CTTNBP2: variants seen among roughly 807,000 people sequenced by gnomAD.
CTTNBP2 encodes cortactin binding protein 2.
In CTTNBP2, 108 loss-of-function variants were observed where a neutral mutation model predicts 156.9. The observed-to-expected ratio is 0.69, with a 90% CI of 0.59 to 0.81. CTTNBP2 has a LOEUF of 0.81. Among genes scored for constraint, CTTNBP2 ranks in the 30% least tolerant of loss-of-function variants. The pLI is 0.00. For missense variants in CTTNBP2, 1,924 were observed against 2,035.4 expected (o/e 0.95, Z 1.05); for synonymous variants, 767 against 751.8 (o/e 1.02, Z -0.33).
intron 3 of CTTNBP2, among the ~76,000 whole-genome samples, chr7:117,798,386 G>A (rs1291370147): frequency 6.6e-6 from 1 of 152,098 alleles, no homozygotes; most frequent in African/African-American, 2.4e-5. Context: ...CTTATAGACT[G>A]TGTTCTCTGA....
chr7:117,846,001 C>A (rs1802560155), intron 2 of CTTNBP2, among the ~76,000 whole-genome samples: 1 of 151,842 alleles, frequency 6.6e-6, no homozygotes, highest in South Asian at 2.1e-4. Context: ...CAGGCGCCTG[C>A]CACCACGCCC....
intron 2 of CTTNBP2, among the ~76,000 whole-genome samples, chr7:117,855,544 C>T (rs1158304268): frequency 6.6e-6 from 1 of 152,144 alleles, no homozygotes; most frequent in Non-Finnish European, 1.5e-5. Flanking sequence ...CAAAGAGTTG[C>T]TACTGGCATC....
rs1265516681 is a variant in CTTNBP2, at chr7:117,740,758, T to C, written c.3535+5073A>G. Among the ~76,000 whole-genome samples the C allele has an allele frequency of 2.0e-5, 3 of 152,228 alleles. No homozygotes were observed. The East Asian group carries it at 5.8e-4, about 29-fold the overall frequency. ...AAGGATCATTCCCTGCTGCATGCTTTCTGCACAGTGAAAGAACTGACACCA... is the reference window on the plus strand; with the variant it reads ...AAGGATCATTCCCTGCTGCATGCTTCCTGCACAGTGAAAGAACTGACACCA... On this transcript the variant is annotated intron_variant, in intron 14 of 22. Coordinates refer to ENST00000160373, the MANE Select transcript of CTTNBP2 (RefSeq NM_033427.3).
At position 117,711,652 on chromosome 7, in the gene CTTNBP2, T is replaced by C; in HGVS notation, c.4877A>G (p.Asn1626Ser). ...ACTGCTGCTGCTGCTTCTTTTGGTG[T>C]TCTGGGAACACTGGGTGACTTTACT... Reference protein sequence around the residue: ...PRSKVTQCSQNTKRSSSSSNT... With the variant: ...PRSKVTQCSQSTKRSSSSSNT... The change falls in exon 23 of 23, where the codon AAC becomes AGC. Residue 1626 changes from asparagine to serine, a missense_variant. By Grantham distance (46) the Asn-to-Ser change is conservative. Transcript: ENST00000160373. The C allele has an allele frequency of 6.2e-7, 1 of 1,614,092 alleles. No individual in the cohort carries two copies. The highest frequency in any genetic ancestry group is 8.5e-7 in the Non-Finnish European group (1 of 1,179,972).
At chr7:117,757,741 T>C (rs906183726) in intron 11 of CTTNBP2, 134 bp downstream of exon 11, 7 of 576,020 alleles carry the variant, frequency 1.2e-5, no homozygotes, top group African/African-American at 3.8e-5. Context: ...AAACATCTAA[T>C]TACCTAGTGG....
chr7:117,742,598 A>C (rs936397755), intron 14 of CTTNBP2, among the ~76,000 whole-genome samples: 3 of 152,132 alleles, frequency 2.0e-5, no homozygotes. Flanking sequence ...TGTAAAAGTG[A>C]GGAGTTCCAG....
intron 11 of CTTNBP2, among the ~76,000 whole-genome samples, chr7:117,756,978 T>A: frequency 6.6e-6 from 1 of 152,208 alleles, no homozygotes; most frequent in East Asian, 1.9e-4. Flanking sequence ...CTTGATGTTT[T>A]ACAGTTCATA....
chr7:117,842,103 T>TA (rs1026188970), intron 2 of CTTNBP2, among the ~76,000 whole-genome samples: 1 of 152,142 alleles, frequency 6.6e-6, no homozygotes, highest in East Asian at 1.9e-4. Flanking sequence ...ACTATAGGGT[T>TA]AAAAAATAGG....
rs765425700 is a variant in CTTNBP2, at chr7:117,746,114, A to C, written c.3349-15T>G. On this transcript the variant is annotated splice_polypyrimidine_tract_variant and intron_variant, in intron 12 of 22. Transcript: ENST00000160373. ...TATTGCTCAACCTATTAACAAACCAAGTAGAGAGCTAGGGTGAAGATGCTA... is the reference window on the plus strand; with the variant it reads ...TATTGCTCAACCTATTAACAAACCACGTAGAGAGCTAGGGTGAAGATGCTA... 1.3e-6 allele frequency: 2 copies of C among 1,589,714 alleles called. No individual in the cohort carries two copies. Among genetic ancestry groups the C allele is most frequent in the Non-Finnish European group, 1.7e-6 (2 of 1,157,998 alleles).
rs963036367 is a variant in CTTNBP2, at chr7:117,784,173, G to C, written c.2272+78C>G. On this transcript the variant is annotated intron_variant, in intron 5 of 22. Transcript: ENST00000160373. ...AAAATAAAACTAAATTGAACTTTCT[G>C]CTCATTACAATTGATACATGGGCTT... The C allele has an allele frequency of 4.7e-6, 5 of 1,061,510 alleles. No individual in the cohort carries two copies. The African/African-American group carries it at 6.5e-5, about 14-fold the overall frequency. 65.8% of individuals were successfully genotyped at this position (1,061,510 alleles called of 1,614,324 possible).
intron 14 of CTTNBP2, among the ~76,000 whole-genome samples, chr7:117,744,892 C>T (rs1276436275): frequency 1.3e-5 from 2 of 152,134 alleles, no homozygotes; most frequent in Admixed American, 1.3e-4. Context: ...CTACATTTGC[C>T]CTGGCCACAA....
At chr7:117,711,825 C>A in intron 22 of CTTNBP2, 43 bp from the exon 23 acceptor site, 1 of 1,579,574 alleles carries the variant, frequency 6.3e-7, no homozygotes, top group South Asian at 1.2e-5. Flanking sequence ...ACAAACTTCT[C>A]CTGTTATGAG....
At chr7:117,867,930 A>G (rs901863409) in intron 1 of CTTNBP2, among the ~76,000 whole-genome samples, 7 of 152,150 alleles carry the variant, frequency 4.6e-5, no homozygotes, top group Non-Finnish European at 8.8e-5. Flanking sequence ...GAAACCTGGT[A>G]ATGGATGTAA....
chr7:117,865,442 C>A (rs1363805784), intron 1 of CTTNBP2, among the ~76,000 whole-genome samples: 1 of 151,798 alleles, frequency 6.6e-6, no homozygotes, highest in Non-Finnish European at 1.5e-5. Flanking sequence ...CGGCAGATTG[C>A]CTGAGCTCAG....
intron 2 of CTTNBP2, among the ~76,000 whole-genome samples, chr7:117,844,069 A>T (rs1802434989): frequency 6.6e-6 from 1 of 152,114 alleles, no homozygotes; most frequent in African/African-American, 2.4e-5. Context: ...AGAGACAGGG[A>T]CAGATAGACA....
intron 16 of CTTNBP2, among the ~76,000 whole-genome samples, 158 bp downstream of exon 16, chr7:117,734,755 A>G (rs117248326): frequency 9.2e-5 from 14 of 152,326 alleles, no homozygotes; most frequent in Non-Finnish European, 1.5e-4. Flanking sequence ...AGAAATTGTT[A>G]TGGGTTTCAC....
intron 2 of CTTNBP2, among the ~76,000 whole-genome samples, chr7:117,824,961 G>T (rs1432034709): frequency 6.6e-6 from 1 of 151,690 alleles, no homozygotes; most frequent in Non-Finnish European, 1.5e-5. Context: ...CTTTTTTCTT[G>T]TTTACTCCAT....
intron 2 of CTTNBP2, among the ~76,000 whole-genome samples, chr7:117,817,452 G>A (rs1213940419): frequency 1.4e-5 from 2 of 144,356 alleles, no homozygotes; most frequent in Non-Finnish European, 3.0e-5. Context: ...GAAGTTGAAA[G>A]TTGACCATTA....
intron 2 of CTTNBP2, among the ~76,000 whole-genome samples, chr7:117,825,544 C>T (rs1288906436): frequency 6.6e-6 from 1 of 152,182 alleles, no homozygotes; most frequent in African/African-American, 2.4e-5. Flanking sequence ...GTTATATAGA[C>T]ATTAAATCTA....
Sources: allele counts gnomAD v4.1 joint callset (sites outside exome capture counted in the v4.1 genomes callset), GRCh38; gene constraint gnomAD v4.1.1; transcripts MANE v1.5; gene names NCBI Gene and HGNC (gene_info 2026-07-23, HGNC 2026-07-21).